THSD1: variants seen among roughly 807,000 people sequenced by gnomAD.
THSD1 encodes thrombospondin type 1 domain containing 1.
Under a neutral mutation model 46.3 loss-of-function variants are expected in THSD1, and 34 were observed. The ratio of observed to expected loss-of-function variants is 0.74; its 90% confidence interval spans 0.56 to 0.98. The LOEUF is 0.98. Ranked by LOEUF, THSD1 falls within the 50% of genes least tolerant of loss-of-function variation. The probability of loss-of-function intolerance (pLI) is 0.00; values close to 1 mark genes in which losing one functional copy is unlikely to be tolerated. For synonymous variants in THSD1, 407 were observed against 416.5 expected (o/e 0.98, Z 0.28); for missense variants, 1,023 against 1,058.3 (o/e 0.97, Z 0.46).
At chr13:52,400,880 C>T (rs1329433214) in intron 2 of THSD1, among the ~76,000 whole-genome samples, 11 of 152,096 alleles carry the variant, frequency 7.2e-5, no homozygotes, top group East Asian at 3.9e-4. Context: ...TGGAGAATTT[C>T]GATGCTTTAT....
At chr13:52,393,975 C>G (rs552794212) in intron 3 of THSD1, among the ~76,000 whole-genome samples, 60 of 152,326 alleles carry the variant, frequency 3.9e-4, no homozygotes, top group African/African-American at 1.4e-3. Context: ...TTAGCTCCCC[C>G]AGTTACTGCC....
intron 2 of THSD1, among the ~76,000 whole-genome samples, chr13:52,399,229 G>A (rs1212742798): frequency 6.6e-6 from 1 of 152,186 alleles, no homozygotes; most frequent in Non-Finnish European, 1.5e-5. Flanking sequence ...ACCCAGCAGA[G>A]CAGCCTAAGT....
chr13:52,395,149 AAGG>A (rs1012957854), intron 3 of THSD1, among the ~76,000 whole-genome samples: 1 of 151,954 alleles, frequency 6.6e-6, no homozygotes, highest in African/African-American at 2.4e-5. Context: ...AGGTTTTAAG[AAGG>A]AGAATAGCCT....
chr13:52,403,514 C>A (rs561939073), intron 1 of THSD1, among the ~76,000 whole-genome samples: 245 of 152,314 alleles, frequency 1.6e-3, no homozygotes, highest in African/African-American at 5.7e-3. Context: ...TGGAGTCTCA[C>A]TCTGTCGCCT....
intron 1 of THSD1, chr13:52,403,081 C>G (rs551302865): frequency 9.7e-4 from 493 of 510,018 alleles, no homozygotes; most frequent in Non-Finnish European, 1.2e-3. Context: ...TTCTGCTAAA[C>G]TTTAATTTAG....
rs370923980 is a variant in THSD1 at position 52,377,822 on chromosome 13, A to T, written c.2148T>A (p.Ser716Arg). Residue 716 changes from serine to arginine, a missense_variant, in exon 5 of 5, where the codon AGT (serine) becomes AGA (arginine). Ser to Arg is a moderately radical substitution (Grantham distance 110). Around this residue, in one of 3 missense-constraint regions of THSD1, gnomAD observed 578 missense variants for 497.4 expected, o/e 1.16. Coordinates refer to ENST00000258613, the MANE Select transcript of THSD1 (RefSeq NM_018676.4). The stretch of plus-strand genomic sequence containing the variant: ...GAGGGTTTAATGGACCACGGGTTCC[A>T]CTTGCCTCTTGGAAATGCTCCAGTT... Reference protein sequence around the residue: ...PEKLEHFQEASGTRGPLNPLP... With the variant: ...PEKLEHFQEARGTRGPLNPLP... 5.0e-6 allele frequency: 8 copies of T among 1,614,176 alleles called. No homozygotes were observed. The highest frequency in any genetic ancestry group is 5.9e-6 in the Non-Finnish European group (7 of 1,180,036).
At chr13:52,404,718 C>T (rs1276410960) in intron 1 of THSD1, among the ~76,000 whole-genome samples, 1 of 152,160 alleles carries the variant, frequency 6.6e-6, no homozygotes, top group East Asian at 1.9e-4. Flanking sequence ...GACCTGGTAA[C>T]CAAACTAAGA....
At position 52,397,614 on chromosome 13, in the gene THSD1, G is replaced by C. The variant is rs1303727454; in HGVS notation, c.639C>G (p.Ala213=). 5.6e-6 allele frequency: 9 copies of C among 1,614,186 alleles called. No individual in the cohort carries two copies. Among genetic ancestry groups the C allele is most frequent in the South Asian group, 1.1e-5 (1 of 91,088 alleles). ...GCAGCTTCAGCACCACGGTGACATA[G>C]GCTTCTGGCCCCAAGGGTGCACAGC... ...EFGCAPLGPE[A]YVTVVLKLLG... is the part of the protein sequence containing the mutation. Residue 213 remains alanine (A), a synonymous_variant, in exon 3 of 5, where the codon GCC becomes GCG. Transcript: ENST00000258613.
At chr13:52,387,524 C>T (rs1957741693) in intron 3 of THSD1, among the ~76,000 whole-genome samples, 2 of 152,186 alleles carry the variant, frequency 1.3e-5, no homozygotes, top group East Asian at 1.9e-4. Flanking sequence ...GATATTAAAA[C>T]TCTCAGAGAG....
chr13:52,378,271 C>T lies in THSD1; in HGVS notation c.1699G>A (p.Ala567Thr), dbSNP rs773467824. 6.2e-6 allele frequency: 10 copies of T among 1,614,092 alleles called. No homozygotes were observed. In the African/African-American group the frequency reaches 1.2e-4, roughly 19 times the overall value. Residue 567 changes from alanine (A) to threonine (T), a missense_variant, in exon 5 of 5, where the codon GCC (alanine) becomes ACC (threonine). Physicochemically the swap from Ala to Thr is moderately conservative, Grantham distance 58. This residue lies in a region of THSD1 where 578 missense variants were observed against 497.4 expected (regional missense o/e 1.16). Coordinates refer to ENST00000258613, the MANE Select transcript of THSD1 (RefSeq NM_018676.4). The part of the protein sequence containing the change: ...SPLTDTAIDA[A>T]PSAPLDLESP... ...TCCAAATCTAAGGGAGCGCTGGGGG[C>T]CGCATCAATGGCAGTGTCTGTCAGG...
rs1957728194 is a variant in THSD1 at position 52,386,071 on chromosome 13, T to G, written c.1137A>C (p.Gly379=). 1 of 1,613,882 alleles carries G rather than the reference T, an allele frequency of 6.2e-7. No homozygotes were observed. The part of the protein sequence containing the change: ...TSFPSSPVCP[G]MSLEASLCSL... ...AACACAGGGAGGCCTCCAAGGACATTCCAGGGCAGACAGGACTGGAGGGGA... is the reference window on the plus strand; with the variant it reads ...AACACAGGGAGGCCTCCAAGGACATGCCAGGGCAGACAGGACTGGAGGGGA... Residue 379 remains glycine, a synonymous_variant, in exon 4 of 5, where the codon GGA becomes GGC. Coordinates refer to ENST00000258613, the MANE Select transcript of THSD1 (RefSeq NM_018676.4).
At chr13:52,402,477 G>A in intron 2 of THSD1, 66 bp downstream of exon 2, 1 of 1,479,200 alleles carries the variant, frequency 6.8e-7, no homozygotes, top group Non-Finnish European at 9.4e-7. Context: ...CAACATCAAT[G>A]CATTTATAAT....
intron 3 of THSD1, among the ~76,000 whole-genome samples, chr13:52,388,910 G>A (rs909390396): frequency 6.6e-6 from 1 of 152,094 alleles, no homozygotes; most frequent in African/African-American, 2.4e-5. Flanking sequence ...AATACCTGGA[G>A]GTAGACTGAG....
At chr13:52,379,109 G>A (rs1294555290) in intron 4 of THSD1, among the ~76,000 whole-genome samples, 2 of 151,992 alleles carry the variant, frequency 1.3e-5, no homozygotes, top group South Asian at 2.1e-4. Context: ...TGATCCACCC[G>A]CCTTGGCCTC....
At position 52,377,667 on chromosome 13, in the gene THSD1, T is replaced by C. The variant is rs9536041; in HGVS notation, c.2303A>G (p.Lys768Arg). 75,536 of 1,610,070 alleles carry C rather than the reference T, an allele frequency of 0.047. 2,000 individuals carry two copies. The highest frequency in any genetic ancestry group is 0.076 in the Middle Eastern group (460 of 6,050). The change falls in exon 5 of 5, where the codon AAG (lysine) becomes AGG (arginine). Residue 768 changes from lysine to arginine, a missense_variant. Lys to Arg is a conservative substitution (Grantham distance 26). Transcript: ENST00000258613. ...AGAAGACTGCTTCCTTGAGACACTC[T>C]TGTGACTGGGGGACGGTCCCCGACG... Reference protein sequence around the residue: ...RARRGPSPSHKSVSRKQSSPI... With the variant: ...RARRGPSPSHRSVSRKQSSPI...
intron 3 of THSD1, among the ~76,000 whole-genome samples, chr13:52,392,190 C>CAAAAAAAAAAAAAAAAAAAAAATAAA (rs368671089): frequency 1.4e-5 from 1 of 69,752 alleles, no homozygotes; most frequent in African/African-American, 6.4e-5. Flanking sequence ...AGACTCCTCT[C>CAAAAAAAAAAAAAAAAAAAAAATAAA]AAAAAAAAAA....
At chr13:52,381,947 A>C (rs933570901) in intron 4 of THSD1, among the ~76,000 whole-genome samples, 2 of 152,200 alleles carry the variant, frequency 1.3e-5, no homozygotes, top group Non-Finnish European at 2.9e-5. Context: ...CAAGGTTATG[A>C]ATGACCTCCC....
rs762251260 is a variant in THSD1 at position 52,397,320 on chromosome 13, C to T, written c.933G>A (p.Gly311=). 2.5e-6 allele frequency: 4 copies of T among 1,614,068 alleles called. No homozygotes were observed. Among genetic ancestry groups the T allele is most frequent in the Non-Finnish European group, 3.4e-6 (4 of 1,180,016 alleles). The part of the protein sequence containing the change: ...TIFNCTLFDM[G]KNKYCFDFGI... ...CAAAGTCAAAGCAGTACTTATTCTT[C>T]CCCATGTCAAACAAAGTACAGTTAA... The change falls in exon 3 of 5, where the codon GGG becomes GGA. Residue 311 remains glycine (G), a synonymous_variant. Coordinates refer to ENST00000258613, the MANE Select transcript of THSD1 (RefSeq NM_018676.4).
chr13:52,401,550 C>T (rs551602046), intron 2 of THSD1, among the ~76,000 whole-genome samples: 3 of 152,262 alleles, frequency 2.0e-5, no homozygotes, highest in Non-Finnish European at 1.5e-5. Flanking sequence ...CCGCCCACCC[C>T]GGCCTCCCAA....
Sources: allele counts gnomAD v4.1 joint callset (sites outside exome capture counted in the v4.1 genomes callset), GRCh38; gene constraint gnomAD v4.1.1; regional missense constraint gnomAD v4.1.1; transcripts MANE v1.5; gene names NCBI Gene and HGNC (gene_info 2026-07-23, HGNC 2026-07-21).